The following DLGAP1 variants were observed in gnomAD, a reference collection of about 807,000 sequenced individuals.
DLGAP1 encodes DLG associated protein 1, also known as disks large-associated protein 1.
DLGAP1 carries 11 observed loss-of-function variants against 90.8 expected under a neutral mutation model. The observed-to-expected ratio is 0.12, with a 90% CI of 0.08 to 0.20. The LOEUF is 0.20. DLGAP1 is among the 10% of genes least tolerant of loss of function. The probability of loss-of-function intolerance (pLI) is 1.00; values close to 1 mark genes in which losing one functional copy is unlikely to be tolerated. For missense variants in DLGAP1, 1,050 were observed against 1,333.8 expected, an observed-to-expected ratio of 0.79 and a Z score of 3.31; for synonymous variants, 558 against 540.7, an observed-to-expected ratio of 1.03 and a Z score of -0.44.
At chr18:4,331,481 T>C (rs2080950473) in intron 1 of DLGAP1, among the ~76,000 whole-genome samples, 2 of 151,856 alleles carry the variant, frequency 1.3e-5, no homozygotes, top group South Asian at 4.1e-4. Context: ...TCTAGAGCTC[T>C]TGACCTACCT....
At chr18:3,888,944 T>G (rs1389062750) in intron 3 of DLGAP1, among the ~76,000 whole-genome samples, 2 of 152,152 alleles carry the variant, frequency 1.3e-5, no homozygotes, top group African/African-American at 4.8e-5. Context: ...CTCGGCTAAA[T>G]GGACAGATGA....
At chr18:3,799,538 G>A (rs866252174) in intron 5 of DLGAP1, among the ~76,000 whole-genome samples, 1 of 147,056 alleles carries the variant, frequency 6.8e-6, no homozygotes, top group Non-Finnish European at 1.5e-5. Flanking sequence ...CAAAAACATT[G>A]TTAATATTTT....
At chr18:3,789,860 A>G (rs1464804126) in intron 5 of DLGAP1, among the ~76,000 whole-genome samples, 2 of 152,246 alleles carry the variant, frequency 1.3e-5, no homozygotes, top group Non-Finnish European at 2.9e-5. Context: ...AAATATCTGA[A>G]TTTAGGCACC....
intron 4 of DLGAP1, among the ~76,000 whole-genome samples, chr18:3,852,644 C>G (rs2069408626): frequency 6.6e-6 from 1 of 151,952 alleles, no homozygotes; most frequent in Non-Finnish European, 1.5e-5. Flanking sequence ...ATATATATAC[C>G]CTTTAAGAAT....
intron 8 of DLGAP1, among the ~76,000 whole-genome samples, chr18:3,568,711 G>T (rs1403106489): frequency 6.6e-6 from 1 of 151,840 alleles, no homozygotes; most frequent in Non-Finnish European, 1.5e-5. Context: ...TTTTGAGATG[G>T]AGTCTCACTT....
chr18:4,287,071 G>A (rs2079715793), intron 1 of DLGAP1, among the ~76,000 whole-genome samples: 1 of 152,122 alleles, frequency 6.6e-6, no homozygotes, highest in South Asian at 2.1e-4. Context: ...AGTCCATGGA[G>A]AATGAAAAGC....
chr18:4,206,087 C>T (rs891394080), intron 1 of DLGAP1, among the ~76,000 whole-genome samples: 10 of 151,960 alleles, frequency 6.6e-5, no homozygotes, highest in Admixed American at 1.3e-4. Flanking sequence ...AACACTTTGA[C>T]GGGAAGACAC....
intron 1 of DLGAP1, among the ~76,000 whole-genome samples, chr18:4,208,251 A>AGTT (rs2077761737): frequency 6.6e-6 from 1 of 152,244 alleles, no homozygotes; most frequent in Admixed American, 6.5e-5. Flanking sequence ...TGTGTTTGGA[A>AGTT]CATCTAAAAT....
chr18:4,418,664 A>T (rs188812550), intron 1 of DLGAP1, among the ~76,000 whole-genome samples: 1 of 152,176 alleles, frequency 6.6e-6, no homozygotes, highest in Non-Finnish European at 1.5e-5. Context: ...AAATAGAAAT[A>T]TATAGAGAAA....
chr18:4,398,633 A>T (rs1212219468), intron 1 of DLGAP1, among the ~76,000 whole-genome samples: 1 of 152,180 alleles, frequency 6.6e-6, no homozygotes, highest in Non-Finnish European at 1.5e-5. Flanking sequence ...AAAGATAAAT[A>T]TAGGAGCCAC....
intron 1 of DLGAP1, among the ~76,000 whole-genome samples, chr18:4,446,767 G>A (rs11874643): frequency 0.044 from 6,661 of 152,168 alleles, 489 homozygotes; most frequent in African/African-American, 0.15. Flanking sequence ...CAACTGAGTG[G>A]AGATAACTGA....
intron 6 of DLGAP1, among the ~76,000 whole-genome samples, chr18:3,739,348 T>C (rs2062801194): frequency 6.8e-6 from 1 of 147,862 alleles, no homozygotes; most frequent in Non-Finnish European, 1.5e-5. Context: ...GTGGCACTAT[T>C]CACAATAGCA....
chr18:3,634,959 G>A (rs558431552), intron 7 of DLGAP1, among the ~76,000 whole-genome samples: 1 of 152,266 alleles, frequency 6.6e-6, no homozygotes, highest in South Asian at 2.1e-4. Flanking sequence ...CATTAGAAAA[G>A]AGACATTTTC....
At chr18:3,789,019 G>T (rs1040828443) in intron 5 of DLGAP1, among the ~76,000 whole-genome samples, 1 of 152,034 alleles carries the variant, frequency 6.6e-6, no homozygotes, top group Non-Finnish European at 1.5e-5. Context: ...CGATTCATTC[G>T]CACAATTAAT....
intron 10 of DLGAP1, among the ~76,000 whole-genome samples, chr18:3,520,677 G>A (rs867022299): frequency 2.0e-5 from 3 of 152,124 alleles, no homozygotes; most frequent in Non-Finnish European, 2.9e-5. Flanking sequence ...CCTTGATCTC[G>A]AACTTCCAGC....
chr18:3,981,684 C>T (rs942271788), intron 3 of DLGAP1, among the ~76,000 whole-genome samples: 1 of 152,202 alleles, frequency 6.6e-6, no homozygotes, highest in East Asian at 1.9e-4. Context: ...TCAGATTCTG[C>T]ATGGCTTGGG....
intron 2 of DLGAP1, among the ~76,000 whole-genome samples, chr18:4,058,355 C>T (rs745836264): frequency 6.6e-6 from 1 of 152,186 alleles, no homozygotes; most frequent in African/African-American, 2.4e-5. Context: ...TGTCTGTTGG[C>T]TCATTGCCAG....
At chr18:4,184,964 A>G (rs2077267197) in intron 1 of DLGAP1, among the ~76,000 whole-genome samples, 2 of 152,102 alleles carry the variant, frequency 1.3e-5, no homozygotes, top group Admixed American at 6.6e-5. Flanking sequence ...GAACACTTTA[A>G]TACGTTAGAG....
Position 4,115,477 on chromosome 18 carries a change from C to CCTTCCTTT in DLGAP1, c.-159+35702_-159+35703insAAAGGAAG, listed in dbSNP as rs1555742752. Among the ~76,000 whole-genome samples the CCTTCCTTT allele has an allele frequency of 1.4e-4, 20 of 145,480 alleles. 1 individual carries two copies. In the East Asian group the frequency reaches 1.6e-3, roughly 11 times the overall value. ...AACTACCATCTAGTGTCATTTTCTT[C>CCTTCCTTT]CTTTCTTTCTTTCTTTCTTTTTTTT... On this transcript the variant is annotated intron_variant, in intron 2 of 12. Coordinates refer to ENST00000315677, the MANE Select transcript of DLGAP1 (RefSeq NM_004746.4).
Sources: gnomAD v4.1 joint callset for allele counts (sites outside exome capture counted in the v4.1 genomes callset) on GRCh38, gnomAD v4.1.1 for gene constraint, MANE v1.5 for transcripts, NCBI Gene and HGNC (gene_info 2026-07-23, HGNC 2026-07-21) for gene names.